The following ZDHHC7 variants were observed in gnomAD, a reference collection of about 807,000 sequenced individuals.
ZDHHC7 encodes zDHHC palmitoyltransferase 7.
ZDHHC7 carries 12 observed loss-of-function variants against 34.1 expected under a neutral mutation model. That is an observed-to-expected ratio of 0.35 (90% CI 0.23 to 0.57). ZDHHC7 has a LOEUF of 0.57. ZDHHC7 is among the 20% of genes least tolerant of loss of function. The probability of loss-of-function intolerance (pLI) is 0.84; values close to 1 mark genes in which losing one functional copy is unlikely to be tolerated. For synonymous variants in ZDHHC7, 185 were observed against 155.4 expected (o/e 1.19, Z -1.42); for missense variants, 388 against 402.7 (o/e 0.96, Z 0.31).
intron 2 of ZDHHC7, 74 bp from the exon 3 acceptor site, chr16:84,990,709 G>C (rs979176375): frequency 7.0e-6 from 9 of 1,285,488 alleles, no homozygotes; most frequent in African/African-American, 1.5e-5. Context: ...ATGTGTTACA[G>C]TTTGTCCTTG....
At chr16:85,025,744 A>G in the ZDHHC7 span, among the ~76,000 whole-genome samples, 2 of 152,338 alleles carry the variant, frequency 1.3e-5, no homozygotes, top group African/African-American at 2.4e-5. Context: ...TTGAGTTTCC[A>G]TCACTATAAC....
Position 84,975,045 on chromosome 16 carries a change from CAA to C in ZDHHC7, c.*1296_*1297del, listed in dbSNP as rs563726165. 1.5e-4 allele frequency: 23 copies of C among 152,750 alleles called. No individual in the cohort carries two copies. Among genetic ancestry groups the C allele is most frequent in the Non-Finnish European group, 2.9e-5 (2 of 68,028 alleles). 9.5% of individuals were successfully genotyped at this position (152,750 alleles called of 1,614,324 possible). A position where few individuals can be genotyped will look rare whatever the true frequency, so the allele number is the denominator to read the frequency against. On this transcript the variant is annotated 3_prime_UTR_variant, in exon 8 of 8. Coordinates refer to ENST00000313732, the MANE Select transcript of ZDHHC7 (RefSeq NM_017740.3). ...ACAGATTGCTTCTTGATGCGTCCGG[CAA>C]AAAATGTACAAACCAGGCAAGTTTA...
At chr16:85,010,669 A>C (rs1243364652) in intron 1 of ZDHHC7, among the ~76,000 whole-genome samples, 2 of 147,814 alleles carry the variant, frequency 1.4e-5, no homozygotes, top group African/African-American at 5.1e-5. Flanking sequence ...TCATAAGCTA[A>C]TAAAGTGTGT....
rs574619815 is a variant in ZDHHC7 at position 84,987,027 on chromosome 16, G to A, written c.315+3277C>T. Among the ~76,000 whole-genome samples, 7 of 152,308 alleles carry A rather than the reference G, an allele frequency of 4.6e-5. No homozygotes were observed. In the South Asian group the frequency reaches 1.5e-3, roughly 32 times the overall value. ...CAGTGACTGCCACTCCACCTGCTCT[G>A]AGGACTGCCCTTCTTCCCTGGGCAG... On this transcript the variant is annotated intron_variant, in intron 3 of 7. Coordinates refer to ENST00000313732, the MANE Select transcript of ZDHHC7 (RefSeq NM_017740.3).
rs144889845 is a variant in ZDHHC7, at chr16:85,010,133, C to T, written c.-104+1153G>A. Among the ~76,000 whole-genome samples the T allele has an allele frequency of 1.0e-3, 157 of 151,698 alleles. 3 individuals carry two copies. In the East Asian group the frequency reaches 0.028, roughly 27 times the overall value. Reference sequence around the variant, plus strand: ...ATCTCAAACTCAAGTGATCCCCCCACCTCAGCCTCCCAAGCAGCTGAGACC... The same window carrying T: ...ATCTCAAACTCAAGTGATCCCCCCATCTCAGCCTCCCAAGCAGCTGAGACC... On this transcript the variant is annotated intron_variant, in intron 1 of 7. Transcript: ENST00000313732.
chr16:85,009,350 T>C (rs143732794), intron 1 of ZDHHC7, among the ~76,000 whole-genome samples: 2 of 152,082 alleles, frequency 1.3e-5, no homozygotes, highest in African/African-American at 4.8e-5. Flanking sequence ...TTCAGTGCTT[T>C]CTTTCTCACT....
intron 1 of ZDHHC7, among the ~76,000 whole-genome samples, chr16:85,005,770 G>A (rs565551565): frequency 3.9e-5 from 6 of 152,324 alleles, no homozygotes; most frequent in African/African-American, 4.8e-5. Flanking sequence ...GCAAATGAAC[G>A]GCAGTGTTTC....
At chr16:85,013,798 C>T (rs2072823058), upstream of ZDHHC7, among the ~76,000 whole-genome samples, 1 of 152,126 alleles carries the variant, frequency 6.6e-6, no homozygotes. Flanking sequence ...AGCAATTCTC[C>T]TGCCTCAGCC....
At chr16:85,008,162 A>T (rs9929818) in intron 1 of ZDHHC7, among the ~76,000 whole-genome samples, 26,441 of 151,992 alleles carry the variant, frequency 0.17, 2,519 homozygotes, top group African/African-American at 0.22. Context: ...CTTACCCAAA[A>T]AGAGGTCTGC....
chr16:84,977,804 G>T, intron 6 of ZDHHC7, 120 bp downstream of exon 6: 1 of 771,880 alleles, frequency 1.3e-6, no homozygotes, highest in South Asian at 1.8e-5. Flanking sequence ...AAATTCAATT[G>T]CTAAAATAAT....
At chr16:85,012,316 G>A (rs2072805133), upstream of ZDHHC7, among the ~76,000 whole-genome samples, 1 of 146,968 alleles carries the variant, frequency 6.8e-6, no homozygotes, top group Non-Finnish European at 1.5e-5. Flanking sequence ...CCCAGGAGGC[G>A]AAGGTTGCAG....
chr16:84,978,883 A>C (rs6564089), intron 5 of ZDHHC7, among the ~76,000 whole-genome samples: 37,286 of 149,658 alleles, frequency 0.25, 5,151 homozygotes, highest in African/African-American at 0.37. Context: ...AAAAGAAAAA[A>C]AGAAAAGAAA....
At chr16:85,025,567 G>T in the ZDHHC7 span, among the ~76,000 whole-genome samples, 1 of 152,072 alleles carries the variant, frequency 6.6e-6, no homozygotes, top group Non-Finnish European at 1.5e-5. Flanking sequence ...CTGCCACCAT[G>T]CCCAGCTAAT....
chr16:85,026,519 C>G, the ZDHHC7 span, among the ~76,000 whole-genome samples: 1 of 151,928 alleles, frequency 6.6e-6, no homozygotes, highest in Non-Finnish European at 1.5e-5. Context: ...CCTCACGGCA[C>G]TGCAGCTCCC....
intron 3 of ZDHHC7, among the ~76,000 whole-genome samples, chr16:84,986,645 T>A (rs1388822359): frequency 6.6e-6 from 1 of 152,082 alleles, no homozygotes; most frequent in Admixed American, 6.6e-5. Context: ...CATTGCTCTA[T>A]CAGTAGGCCT....
chr16:85,010,216 C>A (rs767168580), intron 1 of ZDHHC7, among the ~76,000 whole-genome samples: 1 of 151,626 alleles, frequency 6.6e-6, no homozygotes, highest in East Asian at 1.9e-4. Context: ...AGAAGGGGAT[C>A]TCACTATGTT....
the ZDHHC7 span, among the ~76,000 whole-genome samples, chr16:85,018,002 G>C: frequency 6.6e-6 from 1 of 152,130 alleles, no homozygotes; most frequent in South Asian, 2.1e-4. Context: ...TCTTGGAACT[G>C]TCGAGACACG....
At chr16:84,977,884 G>A in intron 6 of ZDHHC7, 40 bp downstream of exon 6, 1 of 1,513,366 alleles carries the variant, frequency 6.6e-7, no homozygotes, top group Non-Finnish European at 9.1e-7. Flanking sequence ...TCCAATAACA[G>A]CATGCAAAGC....
At chr16:85,022,906 C>T in the ZDHHC7 span, among the ~76,000 whole-genome samples, 2 of 152,170 alleles carry the variant, frequency 1.3e-5, no homozygotes, top group Non-Finnish European at 2.9e-5. Flanking sequence ...TATGGAACAA[C>T]TGGCCTGCAC....
Sources: allele counts gnomAD v4.1 joint callset (sites outside exome capture counted in the v4.1 genomes callset), GRCh38; gene constraint gnomAD v4.1.1; transcripts MANE v1.5; gene names NCBI Gene and HGNC (gene_info 2026-07-23, HGNC 2026-07-21).